SUPT16H: variants seen among roughly 807,000 people sequenced by gnomAD.
SUPT16H encodes FACT complex subunit SPT16.
Under a neutral mutation model 136.2 loss-of-function variants are expected in SUPT16H, and 24 were observed. That is an observed-to-expected ratio of 0.18 (90% CI 0.13 to 0.25). The LOEUF (loss-of-function observed/expected upper bound fraction) is 0.25, where lower values mean the gene tolerates loss of function less well. Ranked by LOEUF, SUPT16H falls within the 10% of genes least tolerant of loss-of-function variation. SUPT16H has a pLI of 1.00. For missense variants in SUPT16H, 623 were observed against 1,270.2 expected (o/e 0.49, Z 7.74); for synonymous variants, 415 against 428.2 (o/e 0.97, Z 0.38).
chr14:21,359,645 A>G (rs1010457211), intron 18 of SUPT16H, 36 bp from the exon 19 acceptor site: 17 of 1,605,890 alleles, frequency 1.1e-5, no homozygotes, highest in Non-Finnish European at 1.4e-5. Flanking sequence ...CAGAAGTCAG[A>G]AACACAAAGG....
intron 2 of SUPT16H, among the ~76,000 whole-genome samples, chr14:21,373,021 G>A (rs1166460963): frequency 6.6e-6 from 1 of 152,124 alleles, no homozygotes; most frequent in East Asian, 1.9e-4. Context: ...TTGGCTTACT[G>A]CAACCTCTAC....
At position 21,364,959 on chromosome 14, in the gene SUPT16H, A is replaced by C. The variant is rs1165330887; in HGVS notation, c.1121-20T>G. On this transcript the variant is annotated intron_variant, in intron 9 of 25. Coordinates refer to ENST00000216297, the MANE Select transcript of SUPT16H (RefSeq NM_007192.4). The stretch of plus-strand genomic sequence containing the variant: ...CCATTCCTAAAACAGCAAAACAAGG[A>C]TCAGTCTGTGGCTGTGACAATGTGG... The C allele has an allele frequency of 6.2e-7, 1 of 1,612,900 alleles. No homozygotes were observed. The highest frequency in any genetic ancestry group is 1.7e-5 in the Admixed American group (1 of 60,020).
intron 6 of SUPT16H, among the ~76,000 whole-genome samples, chr14:21,368,916 A>G (rs1886729305): frequency 6.6e-6 from 1 of 152,198 alleles, no homozygotes; most frequent in South Asian, 2.1e-4. Context: ...TGGTAAGGGT[A>G]AGTGTGTAGG....
At chr14:21,354,234 G>T (rs539659088) in intron 23 of SUPT16H, among the ~76,000 whole-genome samples, 177 bp downstream of exon 23, 1 of 152,112 alleles carries the variant, frequency 6.6e-6, no homozygotes, top group African/African-American at 2.4e-5. Flanking sequence ...ATCTTGTCAG[G>T]AGTTAGTTAC....
chr14:21,381,291 A>C (rs1326478088), intron 1 of SUPT16H, among the ~76,000 whole-genome samples: 5 of 152,250 alleles, frequency 3.3e-5, no homozygotes, highest in African/African-American at 1.2e-4. Context: ...TTATAATTAA[A>C]AAATATTTTA....
chr14:21,360,014 G>A (rs566656305), intron 18 of SUPT16H, among the ~76,000 whole-genome samples: 1 of 152,240 alleles, frequency 6.6e-6, no homozygotes, highest in South Asian at 2.1e-4. Context: ...ATGTTCTTAA[G>A]TGAGAGGTGA....
At position 21,380,594 on chromosome 14, in the gene SUPT16H, A is replaced by C. The variant is rs371850600; in HGVS notation, c.66+3268T>G. 7.2e-5 allele frequency among the ~76,000 whole-genome samples: 11 copies of C among 152,116 alleles called. No individual in the cohort carries two copies. The East Asian group carries it at 1.2e-3, about 16-fold the overall frequency. ...TTCATTAGTTTCTTCAAAGGCATAA[A>C]ATTTCTTTGGGGTCAGTCTTCCACT... is the stretch of plus-strand genomic sequence containing the variant. On this transcript the variant is annotated intron_variant, in intron 1 of 25. Transcript: ENST00000216297.
intron 20 of SUPT16H, 155 bp from the exon 21 acceptor site, chr14:21,358,157 T>C (rs773246251): frequency 1.3e-4 from 108 of 807,326 alleles, no homozygotes; most frequent in Non-Finnish European, 1.8e-4. Context: ...GCCACTCACC[T>C]AAACCCTTAA....
At position 21,353,513 on chromosome 14, in the gene SUPT16H, A is replaced by G. The variant is rs143697002; in HGVS notation, c.2973T>C (p.Asp991=). 1,566 of 1,614,048 alleles carry G rather than the reference A, an allele frequency of 9.7e-4. 12 individuals are homozygous for G. The African/African-American group carries it at 0.017, about 18-fold the overall frequency. The change falls in exon 25 of 26, where the codon GAT becomes GAC. Residue 991 remains aspartate (D), a synonymous_variant. Transcript: ENST00000216297. ...CTTTTCGGGCTTCTTCCTCCAGTTC[A>G]TCCCAATCCTTTCCACTCTCTTCTT... ...GSEEESGKDW[D]ELEEEARKAD... is the part of the protein sequence containing the mutation.
intron 7 of SUPT16H, among the ~76,000 whole-genome samples, chr14:21,367,410 G>A (rs1159611769): frequency 6.6e-6 from 1 of 152,196 alleles, no homozygotes; most frequent in Non-Finnish European, 1.5e-5. Flanking sequence ...ATTGTTATGA[G>A]GGCTGTGGCC....
At chr14:21,375,250 G>A (rs1175387395) in intron 1 of SUPT16H, among the ~76,000 whole-genome samples, 1 of 52,690 alleles carries the variant, frequency 1.9e-5, no homozygotes, top group Non-Finnish European at 7.2e-5. Context: ...CTGACCTCAA[G>A]TGATCCGCCC....
intron 1 of SUPT16H, 57 bp downstream of exon 1, chr14:21,383,805 G>T (rs766846286): frequency 6.3e-7 from 1 of 1,595,006 alleles, no homozygotes; most frequent in South Asian, 1.1e-5. Flanking sequence ...CGAGAAACAG[G>T]GTTATTATGG....
intron 14 of SUPT16H, 142 bp downstream of exon 14, chr14:21,362,647 TGACAA>T (rs1886581331): frequency 1.4e-5 from 13 of 957,830 alleles, no homozygotes; most frequent in Admixed American, 2.8e-5. Flanking sequence ...GGAAGGAGAA[TGACAA>T]GACAAGAGGG....
rs1051270037 is a variant in SUPT16H, at chr14:21,357,488, T to A, written c.2491-122A>T. ...TAACTTAAGCTGTTTTTTGGTTTTT[T>A]TTTTGAAAGACTGAGGCAGTACAAC... On this transcript the variant is annotated intron_variant, in intron 21 of 25. Transcript: ENST00000216297. The A allele has an allele frequency of 3.9e-5, 41 of 1,056,010 alleles. No homozygotes were observed. In the Admixed American group the frequency reaches 1.3e-3, roughly 33 times the overall value. The allele number at this position is 1,056,010 out of a possible 1,614,324, so 65.4% of individuals were successfully genotyped here. A position where few individuals can be genotyped will look rare whatever the true frequency, so the allele number is the denominator to read the frequency against.
rs924659494 is a variant in SUPT16H, at chr14:21,357,136, T to C, written c.2660+61A>G. On this transcript the variant is annotated intron_variant, in intron 22 of 25. Transcript: ENST00000216297. ...TAGATTTTATGCACAACATACCACA[T>C]TCAAATTCTATAAAACAGGGCTCAT... 6 of 1,452,986 alleles carry C rather than the reference T, an allele frequency of 4.1e-6. No individual in the cohort carries two copies. The African/African-American group carries it at 8.6e-5, about 21-fold the overall frequency. The allele number at this position is 1,452,986 out of a possible 1,614,324, so 90.0% of individuals were successfully genotyped here.
chr14:21,383,757 A>C (rs1258462228), intron 1 of SUPT16H, 105 bp downstream of exon 1: 1 of 1,338,650 alleles, frequency 7.5e-7, no homozygotes, highest in Non-Finnish European at 1.1e-6. Context: ...TGAGGCACAG[A>C]ACCCGGGAAT....
At chr14:21,369,583 CAT>C (rs2139410656) in intron 5 of SUPT16H, 165 bp downstream of exon 5, 1 of 1,028,162 alleles carries the variant, frequency 9.7e-7, no homozygotes, top group South Asian at 1.6e-5. Context: ...CTCAAGAAAA[CAT>C]AACGCAGGCT....
intron 10 of SUPT16H, 46 bp from the exon 11 acceptor site, chr14:21,363,549 T>A: frequency 1.3e-6 from 2 of 1,555,142 alleles, no homozygotes; most frequent in Non-Finnish European, 1.8e-6. Context: ...AAAGAGGCAA[T>A]TTCATTTTCT....
At chr14:21,383,823 A>G (rs753544712) in intron 1 of SUPT16H, 39 bp downstream of exon 1, 1 of 1,612,080 alleles carries the variant, frequency 6.2e-7, no homozygotes. Flanking sequence ...TGGGATGGCT[A>G]AGGGGGCTCC....
Sources: allele counts gnomAD v4.1 joint callset (sites outside exome capture counted in the v4.1 genomes callset), GRCh38; gene constraint gnomAD v4.1.1; transcripts MANE v1.5; gene names NCBI Gene and HGNC (gene_info 2026-07-23, HGNC 2026-07-21).